The following AUTS2 variants were observed in gnomAD, a reference collection of about 807,000 sequenced individuals.
AUTS2 encodes the protein autism susceptibility gene 2 protein.
A neutral mutation model predicts 112.4 loss-of-function variants in AUTS2; 17 were observed. The observed-to-expected ratio is 0.15, with a 90% CI of 0.10 to 0.23. AUTS2 has a LOEUF of 0.23. Among genes scored for constraint, AUTS2 ranks in the 10% least tolerant of loss-of-function variants. AUTS2 has a pLI of 1.00. For synonymous variants in AUTS2, 751 were observed against 702.7 expected, an observed-to-expected ratio of 1.07 and a Z score of -1.09; for missense variants, 1,510 against 1,701.6, an observed-to-expected ratio of 0.89 and a Z score of 1.98.
intron 1 of AUTS2, among the ~76,000 whole-genome samples, chr7:69,634,220 C>T (rs909765820): frequency 1.3e-5 from 2 of 151,598 alleles, no homozygotes; most frequent in Middle Eastern, 3.4e-3. Context: ...CCCGGGTTCA[C>T]GCCATTCTCC....
chr7:69,750,824 T>C (rs554687629), intron 1 of AUTS2, among the ~76,000 whole-genome samples: 176 of 152,112 alleles, frequency 1.2e-3, no homozygotes, highest in Non-Finnish European at 2.3e-3. Context: ...TTTTGAGGAA[T>C]TGTGGTACTT....
intron 1 of AUTS2, among the ~76,000 whole-genome samples, chr7:69,648,421 G>T (rs1031197122): frequency 6.6e-6 from 1 of 151,198 alleles, no homozygotes; most frequent in Non-Finnish European, 1.5e-5. Context: ...AGGGAGGTTT[G>T]GAGCAACAAT....
intron 1 of AUTS2, among the ~76,000 whole-genome samples, chr7:69,837,859 C>T (rs950729017): frequency 1.3e-5 from 2 of 152,204 alleles, no homozygotes; most frequent in South Asian, 4.1e-4. Context: ...AAAATGCAGA[C>T]TTGCAAACCA....
chr7:69,648,008 C>T (rs1795110511), intron 1 of AUTS2, among the ~76,000 whole-genome samples: 1 of 152,074 alleles, frequency 6.6e-6, no homozygotes. Context: ...AGTATGCCCT[C>T]GTTTTAACAT....
intron 5 of AUTS2, among the ~76,000 whole-genome samples, chr7:70,642,439 A>G (rs1356712819): frequency 6.6e-6 from 1 of 152,104 alleles, no homozygotes; most frequent in Admixed American, 6.6e-5. Flanking sequence ...TTAGCTTCAT[A>G]GTTTTATTTT....
intron 4 of AUTS2, among the ~76,000 whole-genome samples, chr7:70,203,416 C>T (rs552280694): frequency 2.7e-5 from 4 of 145,730 alleles, no homozygotes; most frequent in South Asian, 2.2e-4. Context: ...TTTTCATTAA[C>T]GTGTTGAATG....
chr7:70,506,723 T>C (rs1037621554), intron 5 of AUTS2, among the ~76,000 whole-genome samples: 5 of 152,250 alleles, frequency 3.3e-5, no homozygotes, highest in Admixed American at 3.3e-4. Flanking sequence ...TGGGGACCCC[T>C]TCTGGCTGCC....
intron 4 of AUTS2, among the ~76,000 whole-genome samples, chr7:70,427,216 G>C (rs1469021435): frequency 1.3e-5 from 2 of 152,156 alleles, no homozygotes; most frequent in Admixed American, 6.5e-5. Context: ...TGATGACTTA[G>C]AATCAGTAAA....
chr7:70,042,865 C>G (rs1439958327), intron 2 of AUTS2, among the ~76,000 whole-genome samples: 1 of 152,110 alleles, frequency 6.6e-6, no homozygotes, highest in Non-Finnish European at 1.5e-5. Flanking sequence ...TAGAAACCTA[C>G]ATGCTTCTTA....
chr7:70,465,581 A>T (rs1797139345), intron 5 of AUTS2, among the ~76,000 whole-genome samples: 1 of 152,094 alleles, frequency 6.6e-6, no homozygotes, highest in Non-Finnish European at 1.5e-5. Context: ...GAGGGAGAGA[A>T]TTGGGGAATA....
At chr7:70,760,321 A>G (rs376430384) in intron 6 of AUTS2, among the ~76,000 whole-genome samples, 2 of 152,372 alleles carry the variant, frequency 1.3e-5, no homozygotes, top group African/African-American at 4.8e-5. Flanking sequence ...AAGATTTTTA[A>G]AAAGTGTTTC....
At chr7:70,136,968 T>TGC (rs1433503156) in intron 4 of AUTS2, among the ~76,000 whole-genome samples, 2 of 152,208 alleles carry the variant, frequency 1.3e-5, no homozygotes, top group South Asian at 2.1e-4. Context: ...TGTGTGTGCA[T>TGC]GCACACACAC....
At chr7:70,301,786 C>A (rs181029978) in intron 4 of AUTS2, among the ~76,000 whole-genome samples, 29 of 152,232 alleles carry the variant, frequency 1.9e-4, no homozygotes, top group East Asian at 1.5e-3. Flanking sequence ...TATTTAGAGA[C>A]AAGTTCTCGC....
rs545740176 is a variant in AUTS2 at position 69,647,069 on chromosome 7, T to C, written c.309+47107T>C. ...CGCCACTGCACTCCAGCCTGGGCGA[T>C]AGAGCGAGACTCTGTCTCAAACAAA... On this transcript the variant is annotated intron_variant, in intron 1 of 18. Transcript: ENST00000342771. Among the ~76,000 whole-genome samples the C allele has an allele frequency of 4.8e-3, 726 of 152,230 alleles. 10 individuals carry two copies. The highest frequency in any genetic ancestry group is 0.02 in the Middle Eastern group (6 of 294).
At position 69,614,367 on chromosome 7, in the gene AUTS2, T is replaced by TCTTTCTTTCTTTCTTTCTTTTC. The variant is rs57602451; in HGVS notation, c.309+14405_309+14406insCTTTCTTTCTTTCTTTCTTTTC. Among the ~76,000 whole-genome samples, 19 of 90,294 alleles carry TCTTTCTTTCTTTCTTTCTTTTC rather than the reference T, an allele frequency of 2.1e-4. 2 individuals carry two copies. Among genetic ancestry groups the TCTTTCTTTCTTTCTTTCTTTTC allele is most frequent in the South Asian group, 8.6e-4 (2 of 2,316 alleles). The allele number at this position is 90,294 out of a possible 152,430, so 59.2% of individuals were successfully genotyped here. On this transcript the variant is annotated intron_variant, in intron 1 of 18. Coordinates refer to ENST00000342771, the MANE Select transcript of AUTS2 (RefSeq NM_015570.4). ...TTCTTTCTTTCTTTCTTTCTTTCTT[T>TCTTTCTTTCTTTCTTTCTTTTC]TTTTAAGAGATGGGATCTCACTCTG...
At chr7:69,713,335 C>T (rs1445689566) in intron 1 of AUTS2, among the ~76,000 whole-genome samples, 1 of 152,084 alleles carries the variant, frequency 6.6e-6, no homozygotes, top group Non-Finnish European at 1.5e-5. Flanking sequence ...TATAGTTACC[C>T]TATAGTGCAA....
At chr7:69,611,803 G>A (rs896297230) in intron 1 of AUTS2, among the ~76,000 whole-genome samples, 12 of 151,378 alleles carry the variant, frequency 7.9e-5, no homozygotes, top group African/African-American at 2.7e-4. Context: ...GGTGGCAGGC[G>A]CCTGTAGTCC....
At chr7:70,774,200 G>C in intron 12 of AUTS2, 101 bp downstream of exon 12, 1 of 1,083,288 alleles carries the variant, frequency 9.2e-7, no homozygotes, top group Non-Finnish European at 1.4e-6. Context: ...TCCTTTGAGC[G>C]AGCTGCTGTT....
At chr7:70,737,742 A>C (rs1787856406) in intron 6 of AUTS2, among the ~76,000 whole-genome samples, 1 of 152,138 alleles carries the variant, frequency 6.6e-6, no homozygotes, top group Non-Finnish European at 1.5e-5. Flanking sequence ...ATAACCTAAA[A>C]TCCAGAGAGG....
Sources: gnomAD v4.1 joint callset for allele counts (sites outside exome capture counted in the v4.1 genomes callset) on GRCh38, gnomAD v4.1.1 for gene constraint, MANE v1.5 for transcripts, NCBI Gene and HGNC (gene_info 2026-07-23, HGNC 2026-07-21) for gene names.